ZNF225: variants seen among roughly 807,000 people sequenced by gnomAD.
ZNF225 encodes zinc finger protein 225.
A neutral mutation model predicts 12.0 loss-of-function variants in ZNF225; 6 were observed. That is an observed-to-expected ratio of 0.50 (90% CI 0.27 to 0.98). ZNF225 has a LOEUF of 0.98. Among genes scored for constraint, ZNF225 ranks in the 50% least tolerant of loss-of-function variants. The probability of loss-of-function intolerance (pLI) is 0.11; values close to 1 mark genes in which losing one functional copy is unlikely to be tolerated. For missense variants in ZNF225, 763 were observed against 848.2 expected, an observed-to-expected ratio of 0.90 and a Z score of 1.25; for synonymous variants, 271 against 283.2, an observed-to-expected ratio of 0.96 and a Z score of 0.43.
At chr19:44,122,257 T>C (rs1481364740) in intron 4 of ZNF225, among the ~76,000 whole-genome samples, 1 of 152,186 alleles carries the variant, frequency 6.6e-6, no homozygotes, top group Non-Finnish European at 1.5e-5. Context: ...AAGGGTGTCC[T>C]TTCCCCCACT....
At chr19:44,125,774 G>T (rs576860354) in intron 4 of ZNF225, among the ~76,000 whole-genome samples, 1 of 151,994 alleles carries the variant, frequency 6.6e-6, no homozygotes, top group East Asian at 1.9e-4. Flanking sequence ...GGGTTAATTC[G>T]AAGAACTTGT....
chr19:44,115,043 G>A (rs910869149), intron 1 of ZNF225, among the ~76,000 whole-genome samples: 1 of 151,914 alleles, frequency 6.6e-6, no homozygotes, highest in African/African-American at 2.4e-5. Context: ...ACATTTATTA[G>A]TGCACATTCT....
chr19:44,120,309 C>A (rs1457141903), intron 4 of ZNF225, among the ~76,000 whole-genome samples: 3 of 152,164 alleles, frequency 2.0e-5, no homozygotes, highest in African/African-American at 7.2e-5. Flanking sequence ...ACTTTTACCC[C>A]CAGGAATGTG....
Position 44,118,592 on chromosome 19 carries a change from CTG to C in ZNF225, c.235+22_235+23del. ...GAATTTAGGTAAGAAGCAAGCAACTCTGTGTCCTTGTGCGTGACTCTCCCATC... is the reference window on the plus strand; with the variant it reads ...GAATTTAGGTAAGAAGCAAGCAACTCTGTCCTTGTGCGTGACTCTCCCATC... On this transcript the variant is annotated intron_variant, in intron 4 of 4. Transcript: ENST00000262894. 6.2e-7 allele frequency: 1 copy of C among 1,606,276 alleles called. No homozygotes were observed. The highest frequency in any genetic ancestry group is 1.1e-5 in the South Asian group (1 of 90,960).
At chr19:44,128,958 C>A in intron 4 of ZNF225, 2 of 795,554 alleles carry the variant, frequency 2.5e-6, no homozygotes, top group Non-Finnish European at 3.4e-6. Flanking sequence ...GGGCATGACC[C>A]CTTAGGCGTT....
intron 1 of ZNF225, chr19:44,115,462 C>T (rs1473662575): frequency 5.6e-6 from 1 of 178,682 alleles, no homozygotes; most frequent in Non-Finnish European, 1.2e-5. Context: ...TGTGGGCCTT[C>T]CTATGTGACT....
At chr19:44,113,297 G>C (rs533443191), upstream of ZNF225, 31 of 151,766 alleles carry the variant, frequency 2.0e-4, no homozygotes, top group African/African-American at 6.8e-4. Context: ...ATTTGACTCC[G>C]GCAGGTGGAT....
At position 44,115,764 on chromosome 19, in the gene ZNF225, G is replaced by T. The variant is rs370912630; in HGVS notation, c.-64G>T. On this transcript the variant is annotated 5_prime_UTR_variant, in exon 2 of 5. Transcript: ENST00000262894. ...GCCTTCCCTGGTACTTTCCAGGCAG[G>T]ATTCTGCTTTCCCTTGGACTGTATC... The T allele has an allele frequency of 7.8e-6, 12 of 1,537,528 alleles. No individual in the cohort carries two copies. The African/African-American group carries it at 1.4e-4, about 18-fold the overall frequency.
Position 44,132,642 on chromosome 19 carries a change from A to T in ZNF225, c.2028A>T (p.Gly676=). 6.2e-7 allele frequency: 1 copy of T among 1,613,950 alleles called. No homozygotes were observed. Among genetic ancestry groups the T allele is most frequent in the Non-Finnish European group, 8.5e-7 (1 of 1,179,958 alleles). The change falls in exon 5 of 5, where the codon GGA becomes GGT. Residue 676 remains glycine (G), a synonymous_variant. Coordinates refer to ENST00000262894, the MANE Select transcript of ZNF225 (RefSeq NM_013362.4). ...AAGACCAACAAAGAGACCAAAGTGG[A>T]GAGAAAACATCTAAATGTGAGGACT... ...CLKDQQRDQS[G]EKTSKCEDCG...
intron 4 of ZNF225, among the ~76,000 whole-genome samples, chr19:44,119,230 C>T (rs1258311711): frequency 5.3e-5 from 8 of 152,186 alleles, no homozygotes; most frequent in Non-Finnish European, 1.2e-4. Context: ...CTCCCTTTTG[C>T]CTTGTCCTTC....
chr19:44,124,560 G>A (rs1202750190), intron 4 of ZNF225, among the ~76,000 whole-genome samples: 2 of 152,124 alleles, frequency 1.3e-5, no homozygotes, highest in East Asian at 3.8e-4. Context: ...TAAATTCTTT[G>A]TTTCTTTGTT....
In ZNF225 at chr19:44,115,758, A is replaced by C; in HGVS notation, c.-68-2A>C. 2.0e-6 allele frequency: 3 copies of C among 1,512,406 alleles called. No homozygotes were observed. In the South Asian group the frequency reaches 3.7e-5, roughly 19 times the overall value. The allele number at this position is 1,512,406 out of a possible 1,614,324, so 93.7% of individuals were successfully genotyped here. A position where few individuals can be genotyped will look rare whatever the true frequency, so the allele number is the denominator to read the frequency against. ...TTTTCTGCCTTCCCTGGTACTTTCC[A>C]GGCAGGATTCTGCTTTCCCTTGGAC... is the stretch of plus-strand genomic sequence containing the variant. On this transcript the variant is annotated splice_acceptor_variant, in intron 1 of 4. Transcript: ENST00000262894. LOFTEE classifies it low-confidence loss of function (5UTR_SPLICE).
At chr19:44,121,326 C>A (rs771865977) in intron 4 of ZNF225, among the ~76,000 whole-genome samples, 1 of 152,160 alleles carries the variant, frequency 6.6e-6, no homozygotes, top group Non-Finnish European at 1.5e-5. Flanking sequence ...GCTATTAATT[C>A]ATTCCTTTTT....
At chr19:44,116,157 C>T (rs1055045282) in intron 2 of ZNF225, among the ~76,000 whole-genome samples, 8 of 152,168 alleles carry the variant, frequency 5.3e-5, no homozygotes, top group Non-Finnish European at 4.4e-5. Context: ...CCACCGTGCC[C>T]GGCCGTATTT....
intron 4 of ZNF225, among the ~76,000 whole-genome samples, chr19:44,119,946 C>T (rs1287924713): frequency 1.1e-4 from 16 of 152,150 alleles, no homozygotes; most frequent in Admixed American, 9.8e-4. Flanking sequence ...AGGCCAGGCG[C>T]GGTAGCTCAC....
intron 2 of ZNF225, 54 bp from the exon 3 acceptor site, chr19:44,118,134 T>TG: frequency 6.4e-7 from 1 of 1,573,602 alleles, no homozygotes; most frequent in Non-Finnish European, 8.6e-7. Context: ...GTGCCACCCC[T>TG]CTCTCAGTAG....
In ZNF225 at chr19:44,121,703, T is replaced by C. The variant is rs139918794; in HGVS notation, c.235+3129T>C. ...TATGGTCATTCTTGCAGGAGTAAGG[T>C]GGTATCGCATTGTGGTTTTGATTTG... is the stretch of plus-strand genomic sequence containing the variant. On this transcript the variant is annotated intron_variant, in intron 4 of 4. Coordinates refer to ENST00000262894, the MANE Select transcript of ZNF225 (RefSeq NM_013362.4). Among the ~76,000 whole-genome samples, 1,321 of 152,340 alleles carry C rather than the reference T, an allele frequency of 8.7e-3. 12 individuals are homozygous for C. The highest frequency in any genetic ancestry group is 0.03 in the African/African-American group (1,239 of 41,562).
At chr19:44,128,152 C>G (rs1237512803) in intron 4 of ZNF225, among the ~76,000 whole-genome samples, 3 of 144,470 alleles carry the variant, frequency 2.1e-5, no homozygotes, top group African/African-American at 8.8e-5. Context: ...CCCGGTTTCT[C>G]TTTCCTTCTC....
Position 44,132,546 on chromosome 19 carries a change from A to G in ZNF225, c.1932A>G (p.Arg644=). Residue 644 remains arginine, a synonymous_variant, in exon 5 of 5, where the codon AGA becomes AGG. Coordinates refer to ENST00000262894, the MANE Select transcript of ZNF225 (RefSeq NM_013362.4). ...CCTCAACTCATCTAACCCATCAGAG[A>G]CTCCACAGTAGAGAAAAACTACTTC... The part of the protein sequence containing the change: ...RWASTHLTHQ[R]LHSREKLLQC... 1.2e-6 allele frequency: 2 copies of G among 1,614,070 alleles called. No individual in the cohort carries two copies. Among genetic ancestry groups the G allele is most frequent in the African/African-American group, 1.3e-5 (1 of 75,014 alleles).
Sources: gnomAD v4.1 joint callset for allele counts (sites outside exome capture counted in the v4.1 genomes callset) on GRCh38, gnomAD v4.1.1 for gene constraint, MANE v1.5 for transcripts, NCBI Gene and HGNC (gene_info 2026-07-23, HGNC 2026-07-21) for gene names.